The following TXNRD3 variants were observed in gnomAD, a reference collection of about 807,000 sequenced individuals.
The protein encoded by TXNRD3 is TXNRD3 neighbor gene protein.
Under a neutral mutation model 78.2 loss-of-function variants are expected in TXNRD3, and 68 were observed. The observed-to-expected ratio is 0.87, with a 90% CI of 0.72 to 1.06. The LOEUF (loss-of-function observed/expected upper bound fraction) is 1.06, where lower values mean the gene tolerates loss of function less well. Among genes scored for constraint, TXNRD3 ranks in the 50% least tolerant of loss-of-function variants. The pLI, the probability that TXNRD3 is intolerant of heterozygous loss-of-function variation, is 0.00. For missense variants in TXNRD3, 751 were observed against 809.5 expected (o/e 0.93, Z 0.88); for synonymous variants, 296 against 300.1 (o/e 0.99, Z 0.14).
chr3:126,622,464 T>C lies in TXNRD3; in HGVS notation c.1367A>G (p.Lys456Arg). 6.5e-7 allele frequency: 1 copy of C among 1,534,652 alleles called. No individual in the cohort carries two copies. Among genetic ancestry groups the C allele is most frequent in the South Asian group, 1.2e-5 (1 of 83,856 alleles). Residue 456 changes from lysine to arginine, a missense_variant and splice_region_variant, in exon 11 of 16, where the codon AAG (lysine) becomes AGG (arginine). Coordinates refer to ENST00000524230, the MANE Select transcript of TXNRD3 (RefSeq NM_052883.3). ...AGTGCAGTGATCCCAATATACTTAC[T>C]TCTCATTAATTTTGACACCAATCTT...
rs908393794 is a variant in TXNRD3 at position 126,607,234 on chromosome 3, C to T, written c.*671G>A. The T allele has an allele frequency of 5.9e-5, 9 of 152,078 alleles. No homozygotes were observed. The allele number at this position is 152,078 out of a possible 1,614,324, so 9.4% of individuals were successfully genotyped here. On this transcript the variant is annotated 3_prime_UTR_variant, in exon 16 of 16. Coordinates refer to ENST00000524230, the MANE Select transcript of TXNRD3 (RefSeq NM_052883.3). ...TTACATGAGATATTTTGCTCAGTCTCGAGATATTAATTAGGGGAGAATAGC... is the reference window on the plus strand; with the variant it reads ...TTACATGAGATATTTTGCTCAGTCTTGAGATATTAATTAGGGGAGAATAGC...
intron 1 of TXNRD3, 65 bp from the exon 2 acceptor site, chr3:126,647,361 T>C (rs918126548): frequency 1.1e-5 from 12 of 1,076,104 alleles, no homozygotes; most frequent in East Asian, 2.6e-5. Flanking sequence ...AATATGAACA[T>C]AGTAATGAGA....
chr3:126,636,665 C>T (rs982460111), intron 6 of TXNRD3, among the ~76,000 whole-genome samples: 2 of 152,134 alleles, frequency 1.3e-5, no homozygotes, highest in Non-Finnish European at 2.9e-5. Context: ...CAAGACACTA[C>T]CAGAGAGGAT....
At chr3:126,610,179 T>C (rs1938165986) in intron 14 of TXNRD3, among the ~76,000 whole-genome samples, 1 of 152,226 alleles carries the variant, frequency 6.6e-6, no homozygotes, top group Admixed American at 6.5e-5. Context: ...TGCAACACCC[T>C]GTTTTCTGTT....
At position 126,640,368 on chromosome 3, in the gene TXNRD3, AAGTGCTGGGAT is replaced by A. The variant is rs1449178532; in HGVS notation, c.712+1653_712+1663del. On this transcript the variant is annotated intron_variant, in intron 6 of 15. Coordinates refer to ENST00000524230, the MANE Select transcript of TXNRD3 (RefSeq NM_052883.3). ...GTGATCCGCCCGCCTCGGCCTCCCAAAGTGCTGGGATTACAGGCGTGAGCCACCGCGCCCGG... is the reference window on the plus strand; with the variant it reads ...GTGATCCGCCCGCCTCGGCCTCCCAATACAGGCGTGAGCCACCGCGCCCGG... 1.3e-4 allele frequency among the ~76,000 whole-genome samples: 18 copies of A among 138,774 alleles called. 5 individuals are homozygous for A. The highest frequency in any genetic ancestry group is 1.5e-4 in the Admixed American group (2 of 13,310). 91.0% of individuals were successfully genotyped at this position (138,774 alleles called of 152,430 possible).
intron 10 of TXNRD3, among the ~76,000 whole-genome samples, chr3:126,626,845 T>G (rs1397504240): frequency 6.6e-6 from 1 of 152,070 alleles, no homozygotes; most frequent in Non-Finnish European, 1.5e-5. Flanking sequence ...AATCCCAGCA[T>G]GTTGAGAGGC....
In TXNRD3 at chr3:126,642,043, T is replaced by C. The variant is rs528076030; in HGVS notation, c.701A>G (p.Tyr234Cys). Residue 234 changes from tyrosine to cysteine, a missense_variant, in exon 6 of 16, where the codon TAT (tyrosine) becomes TGT (cysteine). Tyr to Cys is a radical substitution (Grantham distance 194, BLOSUM62 -2). Coordinates refer to ENST00000524230, the MANE Select transcript of TXNRD3 (RefSeq NM_052883.3). ...GAACCATTACTCACCTTGTTGATTA[T>C]ATTCCCAGCCAAATTTCCTTGAGTC... The C allele has an allele frequency of 2.6e-6, 4 of 1,535,226 alleles. No individual in the cohort carries two copies. The South Asian group carries it at 3.6e-5, about 14-fold the overall frequency.
At chr3:126,637,536 T>C (rs550522924) in intron 6 of TXNRD3, among the ~76,000 whole-genome samples, 1 of 152,146 alleles carries the variant, frequency 6.6e-6, no homozygotes, top group South Asian at 2.1e-4. Flanking sequence ...TGTTTAAAAA[T>C]TTCTCATCTA....
chr3:126,625,752 CTAGT>C (rs1938566388), intron 10 of TXNRD3: 1 of 152,216 alleles, frequency 6.6e-6, no homozygotes, highest in South Asian at 2.1e-4. Context: ...AATGGTTGAA[CTAGT>C]TACAGTCCCA....
At chr3:126,652,891 A>C (rs912323962) in intron 1 of TXNRD3, among the ~76,000 whole-genome samples, 4 of 152,232 alleles carry the variant, frequency 2.6e-5, no homozygotes, top group Non-Finnish European at 5.9e-5. Context: ...ACAATAACGA[A>C]TGCAGTGCAC....
rs553317981 is a variant in TXNRD3 at position 126,630,816 on chromosome 3, G to A, written c.1093C>T (p.Arg365Cys). 1.8e-5 allele frequency: 28 copies of A among 1,535,456 alleles called. No individual in the cohort carries two copies. Among genetic ancestry groups the A allele is most frequent in the African/African-American group, 9.6e-5 (7 of 73,070 alleles). ...TCGAAGCCACGGAGAAGGATTGAGCGTACCATAACTGTGACATCTAGGCCA... is the reference window on the plus strand; with the variant it reads ...TCGAAGCCACGGAGAAGGATTGAGCATACCATAACTGTGACATCTAGGCCA... Residue 365 changes from arginine to cysteine, a missense_variant, in exon 9 of 16, where the codon CGC (arginine) becomes TGC (cysteine). Coordinates refer to ENST00000524230, the MANE Select transcript of TXNRD3 (RefSeq NM_052883.3).
rs529149570 is a variant in TXNRD3 at position 126,611,321 on chromosome 3, T to C, written c.1633-189A>G. 3.7e-3 allele frequency among the ~76,000 whole-genome samples: 563 copies of C among 152,290 alleles called. 5 individuals carry two copies. Among genetic ancestry groups the C allele is most frequent in the African/African-American group, 0.013 (523 of 41,556 alleles). On this transcript the variant is annotated intron_variant, in intron 13 of 15. Transcript: ENST00000524230. ...GCTCCTGAAATGCTAGCTGCATATG[T>C]GTGTTGACTGTTGTTTTGCTTGTTT... is the stretch of plus-strand genomic sequence containing the variant.
At chr3:126,639,350 T>G (rs927177873) in intron 6 of TXNRD3, among the ~76,000 whole-genome samples, 1 of 152,188 alleles carries the variant, frequency 6.6e-6, no homozygotes, top group Admixed American at 6.5e-5. Flanking sequence ...CTCCTTTTCC[T>G]CACCCAGTTA....
intron 10 of TXNRD3, 146 bp downstream of exon 10, chr3:126,629,233 A>G (rs1938652270): frequency 6.5e-6 from 4 of 616,550 alleles, no homozygotes; most frequent in Non-Finnish European, 1.1e-5. Flanking sequence ...AAATGTCAGT[A>G]GCCAAATTAT....
intron 6 of TXNRD3, among the ~76,000 whole-genome samples, chr3:126,641,712 A>G (rs1487237645): frequency 1.3e-5 from 2 of 152,240 alleles, no homozygotes; most frequent in African/African-American, 2.4e-5. Flanking sequence ...ATAATAACAG[A>G]TATAATTCAA....
At chr3:126,640,314 A>G (rs1340646092) in intron 6 of TXNRD3, among the ~76,000 whole-genome samples, 1 of 13,602 alleles carries the variant, frequency 7.4e-5, no homozygotes, top group South Asian at 1.4e-3. Flanking sequence ...TCACCGTGTT[A>G]GCCAGGATGG....
Position 126,615,444 on chromosome 3 carries a change from G to C in TXNRD3, c.1543C>G (p.Pro515Ala). Residue 515 changes from proline to alanine, a missense_variant, in exon 13 of 16, where the codon CCG becomes GCG. Pro to Ala is a conservative substitution (Grantham distance 27). Coordinates refer to ENST00000524230, the MANE Select transcript of TXNRD3 (RefSeq NM_052883.3). ...TCCAGAGGAGTAAACACTGTAGTCG[G>C]AACATTAATATAATCACACTGAAAG... 6.7e-7 allele frequency: 1 copy of C among 1,496,656 alleles called. No individual in the cohort carries two copies. Among genetic ancestry groups the C allele is most frequent in the Non-Finnish European group, 8.9e-7 (1 of 1,128,578 alleles). 92.7% of individuals were successfully genotyped at this position (1,496,656 alleles called of 1,614,324 possible).
At chr3:126,614,442 A>G (rs1229868071) in intron 13 of TXNRD3, among the ~76,000 whole-genome samples, 3 of 152,182 alleles carry the variant, frequency 2.0e-5, no homozygotes, top group African/African-American at 4.8e-5. Context: ...AAGTTTTAAA[A>G]CTAAATGTTA....
chr3:126,644,175 T>C (rs909238655), intron 4 of TXNRD3, 122 bp from the exon 5 acceptor site: 2 of 1,341,884 alleles, frequency 1.5e-6, no homozygotes, highest in African/African-American at 1.5e-5. Context: ...ACCTGAATTA[T>C]ACCAGCTATT....
Sources: allele counts gnomAD v4.1 joint callset (sites outside exome capture counted in the v4.1 genomes callset), GRCh38; gene constraint gnomAD v4.1.1; transcripts MANE v1.5; gene names NCBI Gene and HGNC (gene_info 2026-07-23, HGNC 2026-07-21).